Variants in PIK3CA observed in about 807,000 individuals in gnomAD.
PIK3CA encodes phosphatidylinositol-4,5-bisphosphate 3-kinase catalytic subunit alpha.
Under a neutral mutation model 138.2 loss-of-function variants are expected in PIK3CA, and 27 were observed. The observed-to-expected ratio is 0.20, with a 90% CI of 0.14 to 0.27. The LOEUF is 0.27. Among genes scored for constraint, PIK3CA ranks in the 10% least tolerant of loss-of-function variants. The pLI is 1.00. For synonymous variants in PIK3CA, 358 were observed against 413.2 expected (o/e 0.87, Z 1.62); for missense variants, 544 against 1,277.4 (o/e 0.43, Z 8.75).
In PIK3CA at chr3:179,219,986, T is replaced by C. The variant is rs1553823718; in HGVS notation, c.1949T>C (p.Val650Ala). 11 of 1,602,012 alleles carry C rather than the reference T, an allele frequency of 6.9e-6. No homozygotes were observed. The highest frequency in any genetic ancestry group is 9.4e-6 in the Non-Finnish European group (11 of 1,176,412). ...GAACAATATTTGGATAACTTGCTTG[T>C]GAGATTTTTACTGAAGAAAGCATTG... The part of the protein sequence containing the change: ...KYEQYLDNLL[V>A]RFLLKKALTN... Residue 650 changes from valine to alanine, a missense_variant, in exon 13 of 21, where the codon GTG (valine) becomes GCG (alanine). Around this residue, in one of 14 missense-constraint regions of PIK3CA, gnomAD observed 22 missense variants for 107.9 expected, o/e 0.20. Transcript: ENST00000263967. This position sits in a 1 kb window ranked among gnomAD's most constrained non-coding sequence, Gnocchi z 4.2.
intron 1 of PIK3CA, among the ~76,000 whole-genome samples, chr3:179,153,809 A>C (rs1394724741): frequency 1.7e-5 from 1 of 58,824 alleles, no homozygotes; most frequent in African/African-American, 8.2e-5. Context: ...CTGTAATAAA[A>C]ATTAAAAACT....
chr3:179,153,090 A>G (rs1168747499), intron 1 of PIK3CA, among the ~76,000 whole-genome samples: 1 of 152,190 alleles, frequency 6.6e-6, no homozygotes, highest in African/African-American at 2.4e-5. Context: ...CTTAAAATTC[A>G]GGAGCCATTA....
At position 179,239,930 on chromosome 3, in the gene PIK3CA, T is replaced by A; in HGVS notation, c.*5566T>A. 1 of 901,318 alleles carries A rather than the reference T, an allele frequency of 1.1e-6. No individual in the cohort carries two copies. The highest frequency in any genetic ancestry group is 1.7e-6 in the Non-Finnish European group (1 of 572,400). The allele number at this position is 901,318 out of a possible 1,614,324, so 55.8% of individuals were successfully genotyped here. ...TTGAGAATATAGAATAATAACAGTA[T>A]CACTAAATTTAAGACCTCTTCCCAG... On this transcript the variant is annotated 3_prime_UTR_variant, in exon 21 of 21. Transcript: ENST00000263967.
At position 179,222,412 on chromosome 3, in the gene PIK3CA, A is replaced by G. The variant is rs918821347; in HGVS notation, c.2187+1255A>G. On this transcript the variant is annotated intron_variant, in intron 14 of 20. Coordinates refer to ENST00000263967, the MANE Select transcript of PIK3CA (RefSeq NM_006218.4). ...GTCTAGATTGCCCTGGAAGAACAAA[A>G]TTTATTGTATTTATATATTGTAACT... is the stretch of plus-strand genomic sequence containing the variant. Among the ~76,000 whole-genome samples, 17 of 152,300 alleles carry G rather than the reference A, an allele frequency of 1.1e-4. 1 individual carries two copies. In the East Asian group the frequency reaches 3.3e-3, roughly 29 times the overall value.
chr3:179,153,300 A>G (rs1314997237), intron 1 of PIK3CA, among the ~76,000 whole-genome samples: 1 of 152,106 alleles, frequency 6.6e-6, no homozygotes. Flanking sequence ...TATCACCTTT[A>G]TTTATTTGGT....
chr3:179,200,940 C>T (rs1409495166), intron 3 of PIK3CA, among the ~76,000 whole-genome samples: 1 of 152,122 alleles, frequency 6.6e-6, no homozygotes, highest in Admixed American at 6.6e-5. Context: ...AAACTTCCAC[C>T]TTAGGCACTG....
chr3:179,227,768 C>T (rs1009652984), intron 17 of PIK3CA, among the ~76,000 whole-genome samples: 41 of 152,140 alleles, frequency 2.7e-4, no homozygotes, highest in African/African-American at 9.1e-4. Context: ...TGGATACTTA[C>T]GTGTCAATCT....
intron 1 of PIK3CA, among the ~76,000 whole-genome samples, chr3:179,157,766 C>T (rs2677762): frequency 0.036 from 5,426 of 152,072 alleles, 137 homozygotes; most frequent in Non-Finnish European, 0.058. Context: ...TTGCCTTTTC[C>T]TAAATATATC....
chr3:179,214,468 A>G (rs2108405016), intron 9 of PIK3CA, among the ~76,000 whole-genome samples: 1 of 152,266 alleles, frequency 6.6e-6, no homozygotes, highest in Admixed American at 6.5e-5. Context: ...CACTTATCGA[A>G]TAAGTTCACC....
At chr3:179,189,133 G>A (rs955141307) in intron 1 of PIK3CA, among the ~76,000 whole-genome samples, 8 of 151,978 alleles carry the variant, frequency 5.3e-5, no homozygotes, top group East Asian at 1.9e-4. Flanking sequence ...AGAATTGCTC[G>A]AACCTCGTAA....
At chr3:179,197,505 T>A (rs1023447221) in intron 1 of PIK3CA, among the ~76,000 whole-genome samples, 5 of 152,216 alleles carry the variant, frequency 3.3e-5, no homozygotes, top group Non-Finnish European at 5.9e-5. Context: ...ATACACATAA[T>A]CTTCATATTC....
intron 9 of PIK3CA, among the ~76,000 whole-genome samples, chr3:179,215,434 T>C (rs1385096449): frequency 3.9e-5 from 6 of 152,176 alleles, no homozygotes; most frequent in Non-Finnish European, 8.8e-5. Flanking sequence ...CGACATGGAA[T>C]CTTAGTTTTT....
intron 1 of PIK3CA, among the ~76,000 whole-genome samples, chr3:179,183,020 T>C (rs994678094): frequency 5.3e-5 from 8 of 152,224 alleles, no homozygotes. Context: ...ACACTTGTGC[T>C]GAAATTAAGC....
intron 20 of PIK3CA, among the ~76,000 whole-genome samples, chr3:179,232,577 G>A (rs1250726392): frequency 1.3e-5 from 2 of 151,974 alleles, no homozygotes; most frequent in African/African-American, 2.4e-5. Flanking sequence ...TCTTGCTTTG[G>A]CTATTCAGAC....
intron 6 of PIK3CA, 149 bp downstream of exon 6, chr3:179,204,737 A>G (rs1043927038): frequency 2.1e-6 from 1 of 484,954 alleles, no homozygotes; most frequent in Non-Finnish European, 3.9e-6. Flanking sequence ...TTAGCTAGGC[A>G]CTGGCCAGGC....
At chr3:179,150,203 T>TGTGTGTGTGTG (rs1560119425) in intron 1 of PIK3CA, among the ~76,000 whole-genome samples, 2 of 121,352 alleles carry the variant, frequency 1.6e-5, no homozygotes, top group East Asian at 2.3e-4. Flanking sequence ...GTGTGTGTGT[T>TGTGTGTGTGTG]GGTATTTTGC....
rs2108392866 is a variant in PIK3CA at position 179,203,641 on chromosome 3, T to A, written c.911T>A (p.Met304Lys). 3 of 1,613,998 alleles carry A rather than the reference T, an allele frequency of 1.9e-6. No homozygotes were observed. The highest frequency in any genetic ancestry group is 2.5e-6 in the Non-Finnish European group (3 of 1,179,978). ...YSQLPMDCFT[M>K]PSYSRRISTA... ...CAACTGCCAATGGACTGTTTTACAA[T>A]GCCATCTTATTCCAGACGCATTTCC... Residue 304 changes from methionine to lysine, a missense_variant, in exon 5 of 21, where the codon ATG (methionine) becomes AAG (lysine). Met to Lys is a moderately conservative substitution (Grantham distance 95). Around this residue, in one of 14 missense-constraint regions of PIK3CA, gnomAD observed 234 missense variants for 401.3 expected, o/e 0.58. Transcript: ENST00000263967.
chr3:179,177,498 A>T (rs968333207), intron 1 of PIK3CA, among the ~76,000 whole-genome samples: 1 of 151,662 alleles, frequency 6.6e-6, no homozygotes, highest in Non-Finnish European at 1.5e-5. Context: ...TTTTTAGTAG[A>T]GATGGGGTTT....
chr3:179,239,697 G>A lies in PIK3CA; in HGVS notation c.*5333G>A, dbSNP rs1042465899. On this transcript the variant is annotated 3_prime_UTR_variant, in exon 21 of 21. Transcript: ENST00000263967. The stretch of plus-strand genomic sequence containing the variant: ...ACTACCAAAAGAAGACTACTAACAC[G>A]TCAGATGTTCACCTGGAAGCTTTAT... 7.0e-5 allele frequency: 23 copies of A among 329,728 alleles called. No homozygotes were observed. The highest frequency in any genetic ancestry group is 2.8e-4 in the Admixed American group (6 of 21,442). 20.4% of individuals were successfully genotyped at this position (329,728 alleles called of 1,614,324 possible).
Sources: gnomAD v4.1 joint callset for allele counts (sites outside exome capture counted in the v4.1 genomes callset) on GRCh38, gnomAD v4.1.1 for gene constraint, gnomAD v4.1.1 regional missense constraint, Gnocchi (gnomAD v3.1) non-coding constraint, MANE v1.5 for transcripts, NCBI Gene and HGNC (gene_info 2026-07-23, HGNC 2026-07-21) for gene names.